The following ENOX1 variants were observed in gnomAD, a reference collection of about 807,000 sequenced individuals.
ENOX1 encodes candidate growth-related and time keeping constitutive hydroquinone (NADH) oxidase.
In ENOX1, 42 loss-of-function variants were observed where a neutral mutation model predicts 82.5. The ratio of observed to expected loss-of-function variants is 0.51; its 90% CI spans 0.40 to 0.66. ENOX1 has a LOEUF of 0.66. Among genes scored for constraint, ENOX1 ranks in the 30% least tolerant of loss-of-function variants. The pLI is 0.00. For synonymous variants in ENOX1, 271 were observed against 282.2 expected (o/e 0.96, Z 0.40); for missense variants, 608 against 811.6 (o/e 0.75, Z 3.05).
chr13:43,225,827 G>A (rs142483712), intron 15 of ENOX1, among the ~76,000 whole-genome samples: 4 of 152,274 alleles, frequency 2.6e-5, no homozygotes, highest in Non-Finnish European at 5.9e-5. Flanking sequence ...TGGGGAGGTA[G>A]AAACAATTCC....
chr13:43,694,293 G>A (rs1350811948), intron 1 of ENOX1, among the ~76,000 whole-genome samples: 1 of 151,222 alleles, frequency 6.6e-6, no homozygotes, highest in Non-Finnish European at 1.5e-5. Context: ...AACAAAATCA[G>A]TCTTAACAAC....
chr13:43,543,129 T>C (rs2078816012), intron 2 of ENOX1, among the ~76,000 whole-genome samples: 1 of 152,024 alleles, frequency 6.6e-6, no homozygotes, highest in African/African-American at 2.4e-5. Flanking sequence ...ATGTTACACA[T>C]GGGGACATGG....
intron 2 of ENOX1, among the ~76,000 whole-genome samples, chr13:43,488,460 T>C (rs915090092): frequency 2.0e-5 from 3 of 152,238 alleles, no homozygotes; most frequent in Non-Finnish European, 4.4e-5. Context: ...AATAAATTTC[T>C]ATTCTTTATA....
chr13:43,320,309 T>C (rs973560726), intron 11 of ENOX1, among the ~76,000 whole-genome samples: 1 of 152,182 alleles, frequency 6.6e-6, no homozygotes, highest in East Asian at 1.9e-4. Context: ...TCCGGTTCTT[T>C]CATCTCTTCC....
intron 1 of ENOX1, among the ~76,000 whole-genome samples, chr13:43,765,500 CT>C (rs1951211882): frequency 6.6e-6 from 1 of 152,138 alleles, no homozygotes; most frequent in Admixed American, 6.5e-5. Flanking sequence ...TGACACCCTG[CT>C]GTGCACCCCT....
intron 2 of ENOX1, among the ~76,000 whole-genome samples, chr13:43,630,030 A>G (rs2083134615): frequency 1.3e-5 from 2 of 152,150 alleles, no homozygotes; most frequent in Non-Finnish European, 2.9e-5. Flanking sequence ...TTTATTCTAA[A>G]TCAGATTATA....
At chr13:43,324,390 G>T (rs1202922422) in intron 10 of ENOX1, among the ~76,000 whole-genome samples, 1 of 152,154 alleles carries the variant, frequency 6.6e-6, no homozygotes, top group Non-Finnish European at 1.5e-5. Context: ...TTTCCACAGG[G>T]TGCCTCTGGT....
chr13:43,239,518 C>T (rs1181572148), intron 14 of ENOX1, among the ~76,000 whole-genome samples: 2 of 152,220 alleles, frequency 1.3e-5, no homozygotes, highest in Non-Finnish European at 2.9e-5. Context: ...GGGAAAACAT[C>T]ATTTCCATTA....
intron 12 of ENOX1, among the ~76,000 whole-genome samples, chr13:43,274,816 G>A (rs939389455): frequency 1.1e-4 from 17 of 152,174 alleles, no homozygotes; most frequent in African/African-American, 3.9e-4. Flanking sequence ...ATATTTCCAG[G>A]CCACTGATTT....
chr13:43,453,628 G>C (rs2057079078), intron 3 of ENOX1, among the ~76,000 whole-genome samples: 1 of 152,150 alleles, frequency 6.6e-6, no homozygotes, highest in South Asian at 2.1e-4. Flanking sequence ...GGAATGAAAA[G>C]AAAGGGGAGA....
chr13:43,427,144 G>A (rs1168145300), intron 3 of ENOX1, among the ~76,000 whole-genome samples: 9 of 152,086 alleles, frequency 5.9e-5, no homozygotes, highest in Non-Finnish European at 1.3e-4. Context: ...GCTGATACAT[G>A]TAATGAGTTC....
chr13:43,361,164 C>A, intron 6 of ENOX1, 115 bp downstream of exon 6: 2 of 1,080,264 alleles, frequency 1.9e-6, no homozygotes, highest in South Asian at 1.5e-5. Context: ...TAGAACGGAT[C>A]CCCACTCTGT....
chr13:43,505,601 T>G (rs2077127281), intron 2 of ENOX1, among the ~76,000 whole-genome samples: 1 of 151,968 alleles, frequency 6.6e-6, no homozygotes, highest in African/African-American at 2.4e-5. Flanking sequence ...TTGATGGGGT[T>G]GTTTTTTTCT....
At chr13:43,429,104 T>A (rs1374609951) in intron 3 of ENOX1, among the ~76,000 whole-genome samples, 1 of 152,198 alleles carries the variant, frequency 6.6e-6, no homozygotes, top group African/African-American at 2.4e-5. Flanking sequence ...ACAATTTGCA[T>A]ACCAGAGGAG....
At chr13:43,529,147 A>C (rs1256777121) in intron 2 of ENOX1, among the ~76,000 whole-genome samples, 1 of 152,010 alleles carries the variant, frequency 6.6e-6, no homozygotes, top group Non-Finnish European at 1.5e-5. Flanking sequence ...AGTCAACCAC[A>C]GTCTGAAAGT....
At chr13:43,704,983 C>A (rs1215413985) in intron 1 of ENOX1, among the ~76,000 whole-genome samples, 1 of 151,818 alleles carries the variant, frequency 6.6e-6, no homozygotes, top group Admixed American at 6.6e-5. Flanking sequence ...ACAGTTCTAC[C>A]CTAACAAAGC....
intron 9 of ENOX1, among the ~76,000 whole-genome samples, chr13:43,329,548 T>C (rs1489264438): frequency 6.6e-6 from 1 of 152,128 alleles, no homozygotes; most frequent in African/African-American, 2.4e-5. Context: ...AGCTGAAATA[T>C]GGATTAGGGG....
At chr13:43,767,228 G>A (rs922605593) in intron 1 of ENOX1, among the ~76,000 whole-genome samples, 4 of 152,196 alleles carry the variant, frequency 2.6e-5, no homozygotes, top group Non-Finnish European at 4.4e-5. Flanking sequence ...AGTATAAAGA[G>A]ACAGGAGCAA....
chr13:43,580,770 A>G (rs1322960213), intron 2 of ENOX1, among the ~76,000 whole-genome samples: 1 of 152,224 alleles, frequency 6.6e-6, no homozygotes, highest in Non-Finnish European at 1.5e-5. Context: ...GTAAGGTTAC[A>G]GCCTCTCTTA....
Sources: gnomAD v4.1 joint callset for allele counts (sites outside exome capture counted in the v4.1 genomes callset) on GRCh38, gnomAD v4.1.1 for gene constraint, MANE v1.5 for transcripts, NCBI Gene and HGNC (gene_info 2026-07-23, HGNC 2026-07-21) for gene names.